Variants in GALNT17 observed in about 807,000 individuals in gnomAD.
GALNT17 encodes UDP-GalNAc:polypeptide N-acetylgalactosaminyltransferase-like 3.
In GALNT17, 29 loss-of-function variants were observed where a neutral mutation model predicts 63.7. The observed-to-expected ratio is 0.46, with a 90% CI of 0.34 to 0.62. The LOEUF (loss-of-function observed/expected upper bound fraction) is 0.62. Among genes scored for constraint, GALNT17 ranks in the 20% least tolerant of loss-of-function variants. GALNT17 has a pLI of 0.01. For synonymous variants in GALNT17, 305 were observed against 318.3 expected (o/e 0.96, Z 0.45); for missense variants, 603 against 799.6 (o/e 0.75, Z 2.97).
At chr7:71,237,667 A>G (rs1026563946) in intron 1 of GALNT17, among the ~76,000 whole-genome samples, 3 of 152,174 alleles carry the variant, frequency 2.0e-5, no homozygotes, top group Non-Finnish European at 4.4e-5. Context: ...CATGGGTGAC[A>G]GAGTGATACC....
intron 6 of GALNT17, among the ~76,000 whole-genome samples, chr7:71,605,875 A>G (rs192586711): frequency 2.0e-5 from 3 of 152,270 alleles, no homozygotes; most frequent in Non-Finnish European, 4.4e-5. Context: ...AGGCTTACCC[A>G]TTTGATTGAT....
intron 4 of GALNT17, among the ~76,000 whole-genome samples, chr7:71,418,322 C>T (rs1786585277): frequency 6.6e-6 from 1 of 152,186 alleles, no homozygotes; most frequent in African/African-American, 2.4e-5. Flanking sequence ...AATTAAAACC[C>T]CTTGGCAGTT....
At chr7:71,294,023 A>G (rs1791031718) in intron 1 of GALNT17, among the ~76,000 whole-genome samples, 2 of 152,048 alleles carry the variant, frequency 1.3e-5, no homozygotes, top group African/African-American at 4.8e-5. Context: ...TTAGCTGGGC[A>G]TGGTGGCGGG....
At chr7:71,489,195 G>T (rs1216065509) in intron 5 of GALNT17, among the ~76,000 whole-genome samples, 1 of 152,098 alleles carries the variant, frequency 6.6e-6, no homozygotes, top group East Asian at 1.9e-4. Context: ...CACCCAACCA[G>T]GTTTGTCTCA....
chr7:71,136,944 G>A (rs1787794771), intron 1 of GALNT17, among the ~76,000 whole-genome samples: 1 of 151,828 alleles, frequency 6.6e-6, no homozygotes, highest in Non-Finnish European at 1.5e-5. Flanking sequence ...ATGCTACCAT[G>A]CCCAGCTAGT....
At chr7:71,600,125 G>T (rs1789944237) in intron 6 of GALNT17, among the ~76,000 whole-genome samples, 1 of 151,938 alleles carries the variant, frequency 6.6e-6, no homozygotes, top group South Asian at 2.1e-4. Context: ...ATTAGTTTTG[G>T]GGGGCCCAAA....
At chr7:71,694,108 C>T (rs1791504176) in intron 9 of GALNT17, among the ~76,000 whole-genome samples, 1 of 152,076 alleles carries the variant, frequency 6.6e-6, no homozygotes, top group Non-Finnish European at 1.5e-5. Context: ...TCCCTGGTGG[C>T]AGACAAGAGA....
chr7:71,239,180 C>T (rs927880053), intron 1 of GALNT17, among the ~76,000 whole-genome samples: 3 of 152,126 alleles, frequency 2.0e-5, no homozygotes, highest in Non-Finnish European at 2.9e-5. Context: ...ATTGTTTGGG[C>T]TGGGCACAGT....
chr7:71,420,467 A>G (rs1273855599), intron 4 of GALNT17, among the ~76,000 whole-genome samples: 2 of 152,200 alleles, frequency 1.3e-5, no homozygotes, highest in South Asian at 2.1e-4. Context: ...ATTTTGGGAA[A>G]GGGAATTCAG....
At chr7:71,323,867 A>G (rs1791658652) in intron 1 of GALNT17, among the ~76,000 whole-genome samples, 1 of 152,218 alleles carries the variant, frequency 6.6e-6, no homozygotes, top group Admixed American at 6.5e-5. Context: ...CCTGTTCACA[A>G]GAGACCAGTG....
At chr7:71,179,356 ATG>A (rs1788696442) in intron 1 of GALNT17, among the ~76,000 whole-genome samples, 1 of 152,144 alleles carries the variant, frequency 6.6e-6, no homozygotes, top group African/African-American at 2.4e-5. Flanking sequence ...ATGTTGATTG[ATG>A]TCTCATGTCT....
chr7:71,147,388 T>C (rs1788043062), intron 1 of GALNT17, among the ~76,000 whole-genome samples: 1 of 152,150 alleles, frequency 6.6e-6, no homozygotes, highest in South Asian at 2.1e-4. Context: ...TAGGCCAGTC[T>C]AACTTTTCAT....
chr7:71,152,177 A>G (rs1282598102), intron 1 of GALNT17, among the ~76,000 whole-genome samples: 1 of 152,182 alleles, frequency 6.6e-6, no homozygotes, highest in Non-Finnish European at 1.5e-5. Context: ...AAAATGACTA[A>G]TAAAATACAC....
At chr7:71,555,625 A>T (rs1230533584) in intron 5 of GALNT17, among the ~76,000 whole-genome samples, 1 of 152,056 alleles carries the variant, frequency 6.6e-6, no homozygotes, top group Non-Finnish European at 1.5e-5. Context: ...GAACTATCCC[A>T]TATGTCAGTG....
chr7:71,532,073 C>T (rs923303782), intron 5 of GALNT17, among the ~76,000 whole-genome samples: 3 of 152,114 alleles, frequency 2.0e-5, no homozygotes, highest in Non-Finnish European at 4.4e-5. Flanking sequence ...TTCATGAGTT[C>T]CCAAGTACTG....
intron 2 of GALNT17, among the ~76,000 whole-genome samples, chr7:71,381,598 G>T (rs902396746): frequency 6.6e-6 from 1 of 152,058 alleles, no homozygotes; most frequent in African/African-American, 2.4e-5. Context: ...GGCTAACATG[G>T]TGGAACCCCA....
intron 1 of GALNT17, among the ~76,000 whole-genome samples, chr7:71,333,298 A>G (rs1791839086): frequency 1.3e-5 from 2 of 151,900 alleles, no homozygotes; most frequent in Admixed American, 1.3e-4. Context: ...TAACATTTTC[A>G]AAGTTCACTC....
chr7:71,486,140 G>A (rs1583994760), intron 5 of GALNT17, among the ~76,000 whole-genome samples: 1 of 151,830 alleles, frequency 6.6e-6, no homozygotes, highest in Non-Finnish European at 1.5e-5. Context: ...ACCAACCTGG[G>A]CAACATGGCA....
intron 5 of GALNT17, among the ~76,000 whole-genome samples, chr7:71,519,818 C>T (rs1473080041): frequency 1.3e-5 from 2 of 152,028 alleles, no homozygotes; most frequent in African/African-American, 4.8e-5. Flanking sequence ...CAGTATTGCA[C>T]CTAGAAGGCA....
Sources: allele counts gnomAD v4.1 joint callset (sites outside exome capture counted in the v4.1 genomes callset), GRCh38; gene constraint gnomAD v4.1.1; transcripts MANE v1.5; gene names NCBI Gene and HGNC (gene_info 2026-07-23, HGNC 2026-07-21).